Variants in FARP2 observed in about 807,000 individuals in gnomAD.
The protein encoded by FARP2 is FERM, ARH/RhoGEF and pleckstrin domain protein 2, also known as FERM, ARHGEF and pleckstrin domain-containing protein 2.
Under a neutral mutation model 130.5 loss-of-function variants are expected in FARP2, and 111 were observed. The observed-to-expected ratio is 0.85, with a 90% CI of 0.73 to 1.00. The LOEUF (loss-of-function observed/expected upper bound fraction) is 1.00. Ranked by LOEUF, FARP2 falls within the 50% of genes least tolerant of loss-of-function variation. FARP2 has a pLI of 0.00. For synonymous variants in FARP2, 504 were observed against 516.9 expected (o/e 0.98, Z 0.34); for missense variants, 1,385 against 1,346.3 (o/e 1.03, Z -0.45).
chr2:241,453,403 A>C (rs2063727275), intron 13 of FARP2, among the ~76,000 whole-genome samples: 1 of 151,892 alleles, frequency 6.6e-6, no homozygotes, highest in Non-Finnish European at 1.5e-5. Context: ...CGGGCAGATC[A>C]CAAGGTCAGG....
intron 2 of FARP2, among the ~76,000 whole-genome samples, chr2:241,400,886 TAGTTAAC>T (rs763981001): frequency 6.4e-4 from 98 of 152,276 alleles, no homozygotes; most frequent in Middle Eastern, 3.4e-3. Context: ...AATTTCTGAC[TAGTTAAC>T]AGTCTCAGAA....
intron 2 of FARP2, among the ~76,000 whole-genome samples, chr2:241,388,313 A>G (rs2061835323): frequency 6.6e-6 from 1 of 152,224 alleles, no homozygotes; most frequent in Non-Finnish European, 1.5e-5. Flanking sequence ...AAAGAATGTC[A>G]AGACAATCAA....
intron 19 of FARP2, among the ~76,000 whole-genome samples, chr2:241,480,725 C>T (rs1029108614): frequency 5.9e-5 from 9 of 152,028 alleles, no homozygotes; most frequent in African/African-American, 1.7e-4. Flanking sequence ...GAAAGCCTAA[C>T]CCAGGGTATG....
chr2:241,493,897 C>T, intron 26 of FARP2, 111 bp from the exon 27 acceptor site: 1 of 663,104 alleles, frequency 1.5e-6, no homozygotes, highest in Non-Finnish European at 2.4e-6. Context: ...GCACCCGGCC[C>T]CAGGTTTTTA....
chr2:241,387,673 G>A lies in FARP2; in HGVS notation c.183+14383G>A, dbSNP rs190640245. 5.1e-4 allele frequency among the ~76,000 whole-genome samples: 78 copies of A among 151,600 alleles called. 1 individual carries two copies. The East Asian group carries it at 0.011, about 21-fold the overall frequency. On this transcript the variant is annotated intron_variant, in intron 2 of 26. Coordinates refer to ENST00000264042, the MANE Select transcript of FARP2 (RefSeq NM_014808.4). ...CCAGGCGTGGTGGTGGGTGCCTGTA[G>A]TCCCAGGTACTCAGGAGGCTGAGGC...
At chr2:241,372,011 T>C (rs1375280298) in intron 1 of FARP2, among the ~76,000 whole-genome samples, 1 of 152,040 alleles carries the variant, frequency 6.6e-6, no homozygotes, top group Non-Finnish European at 1.5e-5. Flanking sequence ...ATATACACAA[T>C]AAAATCTGTT....
chr2:241,398,249 G>A (rs1168655822), intron 2 of FARP2, among the ~76,000 whole-genome samples: 1 of 152,110 alleles, frequency 6.6e-6, no homozygotes, highest in African/African-American at 2.4e-5. Context: ...CCCACCCAGA[G>A]AATGGAGTAG....
rs749057997 is a variant in FARP2, at chr2:241,436,615, A to AT, written c.1158+77_1158+78insT. 3.8e-5 allele frequency: 43 copies of AT among 1,132,196 alleles called. 2 individuals are homozygous for AT. The highest frequency in any genetic ancestry group is 5.8e-5 in the Non-Finnish European group (43 of 744,878). 70.1% of individuals were successfully genotyped at this position (1,132,196 alleles called of 1,614,324 possible). A position where few individuals can be genotyped will look rare whatever the true frequency, so the allele number is the denominator to read the frequency against. ...TTGGAAAATAGTCTGTCAGTATTGT[A>AT]ACAAGAGTCTTAAAATTAATCATAT... On this transcript the variant is annotated intron_variant, in intron 12 of 26. Coordinates refer to ENST00000264042, the MANE Select transcript of FARP2 (RefSeq NM_014808.4).
At chr2:241,424,771 C>A (rs1020961122) in intron 8 of FARP2, among the ~76,000 whole-genome samples, 1 of 152,154 alleles carries the variant, frequency 6.6e-6, no homozygotes, top group South Asian at 2.1e-4. Flanking sequence ...GGGAATATCA[C>A]CACTGAACCC....
At chr2:241,420,005 A>G (rs2062765756) in intron 8 of FARP2, among the ~76,000 whole-genome samples, 2 of 152,070 alleles carry the variant, frequency 1.3e-5, no homozygotes, top group African/African-American at 4.8e-5. Flanking sequence ...CCAAAAATTC[A>G]TTGGGTGTAG....
chr2:241,420,490 G>A lies in FARP2; in HGVS notation c.771+2381G>A, dbSNP rs529977048. Among the ~76,000 whole-genome samples the A allele has an allele frequency of 6.2e-4, 95 of 152,310 alleles. 1 individual carries two copies. The highest frequency in any genetic ancestry group is 2.2e-3 in the African/African-American group (91 of 41,562). Reference sequence around the variant, plus strand: ...ACTCATTTTTGAACCTTCAGAATTTGAGCCTTGTGAATGTATCACTGTATT... The same window carrying A: ...ACTCATTTTTGAACCTTCAGAATTTAAGCCTTGTGAATGTATCACTGTATT... On this transcript the variant is annotated intron_variant, in intron 8 of 26. Coordinates refer to ENST00000264042, the MANE Select transcript of FARP2 (RefSeq NM_014808.4).
intron 13 of FARP2, among the ~76,000 whole-genome samples, chr2:241,451,021 T>A (rs2063644500): frequency 6.6e-6 from 1 of 152,214 alleles, no homozygotes. Flanking sequence ...GGCCTGATCA[T>A]GGCTCACTGC....
chr2:241,402,836 T>TTTTATATA (rs1463491106), intron 2 of FARP2, among the ~76,000 whole-genome samples: 18 of 16,832 alleles, frequency 1.1e-3, no homozygotes, highest in East Asian at 1.5e-3. Flanking sequence ...CCCAGCTAAT[T>TTTTATATA]TATATATATA....
At chr2:241,442,199 T>G (rs975642149) in intron 13 of FARP2, 2 of 455,836 alleles carry the variant, frequency 4.4e-6, no homozygotes, top group Non-Finnish European at 8.8e-6. Context: ...CGTGGTGGGC[T>G]GTCTGTGCAC....
At chr2:241,399,286 G>T (rs901331711) in intron 2 of FARP2, among the ~76,000 whole-genome samples, 1 of 152,052 alleles carries the variant, frequency 6.6e-6, no homozygotes, top group Non-Finnish European at 1.5e-5. Context: ...TATATATGTT[G>T]ACTACAAGAC....
chr2:241,484,439 A>G (rs2064703048), intron 21 of FARP2, 108 bp downstream of exon 21: 1 of 858,216 alleles, frequency 1.2e-6, no homozygotes, highest in Non-Finnish European at 1.9e-6. Context: ...TGAGAGCAGC[A>G]CCTGCTGAGT....
chr2:241,360,539 T>A (rs1375315615), intron 1 of FARP2, among the ~76,000 whole-genome samples: 1 of 151,994 alleles, frequency 6.6e-6, no homozygotes, highest in African/African-American at 2.4e-5. Context: ...CCAAGTGTGG[T>A]GGCATGTGCC....
chr2:241,442,613 AG>A (rs1201228512), intron 13 of FARP2: 17 of 346,726 alleles, frequency 4.9e-5, no homozygotes, highest in Non-Finnish European at 9.2e-5. Context: ...GTTTAAACAC[AG>A]AAAGTGACTT....
intron 13 of FARP2, among the ~76,000 whole-genome samples, chr2:241,450,653 CAG>C (rs1191339860): frequency 2.6e-5 from 4 of 151,240 alleles, no homozygotes; most frequent in Admixed American, 1.3e-4. Flanking sequence ...GCCTGGGAGA[CAG>C]AGCGAGACTC....
Sources: allele counts gnomAD v4.1 joint callset (sites outside exome capture counted in the v4.1 genomes callset), GRCh38; gene constraint gnomAD v4.1.1; transcripts MANE v1.5; gene names NCBI Gene and HGNC (gene_info 2026-07-23, HGNC 2026-07-21).